Variants in MRO observed in about 807,000 individuals in gnomAD.
MRO encodes maestro.
MRO carries 28 observed loss-of-function variants against 31.0 expected under a neutral mutation model. The observed-to-expected ratio is 0.90, with a 90% CI of 0.67 to 1.24. The LOEUF is 1.24. Ranked by LOEUF, MRO falls within the 50% of genes most tolerant of loss-of-function variation. The pLI is 0.00. For synonymous variants in MRO, 108 were observed against 108.4 expected (o/e 1.00, Z 0.02); for missense variants, 332 against 289.2 (o/e 1.15, Z -1.07).
At chr18:50,802,726 G>T (rs533184311) in intron 5 of MRO, among the ~76,000 whole-genome samples, 8 of 151,592 alleles carry the variant, frequency 5.3e-5, no homozygotes, top group Admixed American at 6.6e-5. Context: ...TTTTGTTTTT[G>T]TTTTTGTTTT....
At chr18:50,801,234 C>G (rs1913280341) in intron 6 of MRO, 115 bp downstream of exon 6, 2 of 858,482 alleles carry the variant, frequency 2.3e-6, no homozygotes, top group Non-Finnish European at 3.5e-6. Context: ...AGAAACGCTG[C>G]TAAGTATCTA....
At chr18:50,822,304 T>TGCGTAC (rs1164924184), upstream of MRO, among the ~76,000 whole-genome samples, 1 of 151,620 alleles carries the variant, frequency 6.6e-6, no homozygotes, top group Non-Finnish European at 1.5e-5. Context: ...ACATGTGTAT[T>TGCGTAC]ACAATGTGTA....
chr18:50,799,703 G>C (rs1020889053), intron 7 of MRO, among the ~76,000 whole-genome samples: 1 of 152,138 alleles, frequency 6.6e-6, no homozygotes, highest in African/African-American at 2.4e-5. Context: ...TTGAGATCAG[G>C]AGTTCAAGAC....
At chr18:50,806,143 C>CA (rs1308156792) in intron 4 of MRO, among the ~76,000 whole-genome samples, 1 of 152,126 alleles carries the variant, frequency 6.6e-6, no homozygotes, top group Non-Finnish European at 1.5e-5. Context: ...CCATGTTGGC[C>CA]AGGCTAGTCT....
At chr18:50,811,340 A>T (rs1451885726) in intron 2 of MRO, among the ~76,000 whole-genome samples, 1 of 152,188 alleles carries the variant, frequency 6.6e-6, no homozygotes, top group African/African-American at 2.4e-5. Flanking sequence ...CCCTGCACCC[A>T]TTAGGCATTC....
intron 2 of MRO, among the ~76,000 whole-genome samples, chr18:50,817,719 G>A (rs1915048427): frequency 6.6e-6 from 1 of 150,724 alleles, no homozygotes; most frequent in Non-Finnish European, 1.5e-5. Context: ...GGAGGGAGCT[G>A]GGGCCGAGGG....
At chr18:50,818,169 A>G (rs1473121934) in intron 2 of MRO, among the ~76,000 whole-genome samples, 1 of 152,158 alleles carries the variant, frequency 6.6e-6, no homozygotes, top group Non-Finnish European at 1.5e-5. Flanking sequence ...ACAGATTCCA[A>G]GATTTCTTAG....
intron 6 of MRO, among the ~76,000 whole-genome samples, chr18:50,800,661 G>C (rs1913206669): frequency 6.6e-6 from 1 of 152,170 alleles, no homozygotes; most frequent in Non-Finnish European, 1.5e-5. Flanking sequence ...GAGGTGGGTG[G>C]ATCACCTGAG....
chr18:50,796,089 A>C lies in MRO; in HGVS notation c.*3248T>G, dbSNP rs1380515714. On this transcript the variant is annotated 3_prime_UTR_variant, in exon 8 of 8. Transcript: ENST00000398439. ...TTCATTCAACTGCTCAATAAGGTTCAAAATTAATGTTCAAAATTAAGAAAT... is the reference window on the plus strand; with the variant it reads ...TTCATTCAACTGCTCAATAAGGTTCCAAATTAATGTTCAAAATTAAGAAAT... 1 of 152,186 alleles carries C rather than the reference A, an allele frequency of 6.6e-6. No homozygotes were observed. Among genetic ancestry groups the C allele is most frequent in the Non-Finnish European group, 1.5e-5 (1 of 68,016 alleles). The allele number at this position is 152,186 out of a possible 1,614,324, so 9.4% of individuals were successfully genotyped here.
rs1017154115 is a variant in MRO, at chr18:50,798,558, C to T, written c.*779G>A. 17 of 152,136 alleles carry T rather than the reference C, an allele frequency of 1.1e-4. No homozygotes were observed. The highest frequency in any genetic ancestry group is 2.2e-4 in the Non-Finnish European group (15 of 68,032). 9.4% of individuals were successfully genotyped at this position (152,136 alleles called of 1,614,324 possible). ...TAATTTCCCTATGTGTTAGCTTTCT[C>T]ATCTATAAAATGAGAACAATAATAA... On this transcript the variant is annotated 3_prime_UTR_variant, in exon 8 of 8. Coordinates refer to ENST00000398439, the MANE Select transcript of MRO (RefSeq NM_031939.6).
chr18:50,806,616 A>C lies in MRO; in HGVS notation c.246+88T>G, dbSNP rs1025730481. ...CGGGGTGATAGATAACTAATACAAC[A>C]GACACCATACTCCAGCCCTGGGAGT... is the stretch of plus-strand genomic sequence containing the variant. On this transcript the variant is annotated intron_variant, in intron 4 of 7. Transcript: ENST00000398439. The C allele has an allele frequency of 2.7e-6, 4 of 1,494,524 alleles. No homozygotes were observed. The Admixed American group carries it at 5.4e-5, about 20-fold the overall frequency. 92.6% of individuals were successfully genotyped at this position (1,494,524 alleles called of 1,614,324 possible).
chr18:50,797,492 C>T lies in MRO; in HGVS notation c.*1845G>A, dbSNP rs560338459. The T allele has an allele frequency of 9.2e-5, 14 of 152,298 alleles. No individual in the cohort carries two copies. The highest frequency in any genetic ancestry group is 3.1e-4 in the African/African-American group (13 of 41,542). 9.4% of individuals were successfully genotyped at this position (152,298 alleles called of 1,614,324 possible). A position where few individuals can be genotyped will look rare whatever the true frequency, so the allele number is the denominator to read the frequency against. On this transcript the variant is annotated 3_prime_UTR_variant, in exon 8 of 8. Coordinates refer to ENST00000398439, the MANE Select transcript of MRO (RefSeq NM_031939.6). ...TCAGGAGGCATGACTCATTGGGGGC[C>T]ACCAAAATAAAAGCCTACCATTGAA...
chr18:50,821,682 T>C (rs1222363406), upstream of MRO, among the ~76,000 whole-genome samples: 1 of 152,246 alleles, frequency 6.6e-6, no homozygotes, highest in East Asian at 1.9e-4. Flanking sequence ...CCCTTGTGTC[T>C]AAAGTTTCTT....
rs1212600683 is a variant in MRO, at chr18:50,799,294, C to T, written c.*43G>A. ...GATAAAACAGGGGAACATGATGGCTCAGCAATGCACTCATACAGAACCATT... is the reference window on the plus strand; with the variant it reads ...GATAAAACAGGGGAACATGATGGCTTAGCAATGCACTCATACAGAACCATT... On this transcript the variant is annotated 3_prime_UTR_variant, in exon 8 of 8. Transcript: ENST00000398439. The T allele has an allele frequency of 3.9e-6, 6 of 1,537,400 alleles. No individual in the cohort carries two copies. The Admixed American group carries it at 5.0e-5, about 13-fold the overall frequency.
chr18:50,819,944 T>G lies in MRO; in HGVS notation c.-174A>C. ...GAGGTGTTTTTCCTTCTCCTTGCTG[T>G]GATTTCCCCTCCTTCTTCCCTCATG... On this transcript the variant is annotated 5_prime_UTR_variant, in exon 1 of 8. Transcript: ENST00000398439. The G allele has an allele frequency of 6.4e-7, 1 of 1,551,710 alleles. No homozygotes were observed. The highest frequency in any genetic ancestry group is 2.4e-5 in the East Asian group (1 of 40,920).
chr18:50,805,232 A>G lies in MRO; in HGVS notation c.351T>C (p.Val117=), dbSNP rs369928701. The G allele has an allele frequency of 1.9e-6, 3 of 1,614,042 alleles. No homozygotes were observed. Among genetic ancestry groups the G allele is most frequent in the Non-Finnish European group, 1.7e-6 (2 of 1,179,998 alleles). The change falls in exon 5 of 8, where the codon GTT becomes GTC. Residue 117 remains valine (V), a synonymous_variant. Transcript: ENST00000398439. ...AACCTTTCCCCTGGATCTTGCCCAG[A>G]ACGACGGTCAGAGTCTTCATACTCT... ...IHESMKTLTV[V]LGKIQGKGLG... is the part of the protein sequence containing the mutation.
intron 5 of MRO, among the ~76,000 whole-genome samples, chr18:50,802,188 T>C (rs1913402863): frequency 6.6e-6 from 1 of 152,224 alleles, no homozygotes; most frequent in Non-Finnish European, 1.5e-5. Context: ...TGTTTATTAC[T>C]CCAGCATTTT....
intron 7 of MRO, among the ~76,000 whole-genome samples, 183 bp from the exon 8 acceptor site, chr18:50,799,573 C>T (rs551244196): frequency 3.3e-5 from 5 of 152,124 alleles, no homozygotes; most frequent in East Asian, 1.9e-4. Flanking sequence ...ATCCTCTAGG[C>T]GTTTTGCCAT....
intron 5 of MRO, among the ~76,000 whole-genome samples, chr18:50,804,022 G>A (rs1220156471): frequency 6.6e-6 from 1 of 151,244 alleles, no homozygotes; most frequent in Non-Finnish European, 1.5e-5. Flanking sequence ...GTAGTTGAGT[G>A]TAGCCCTATA....
Sources: gnomAD v4.1 joint callset for allele counts (sites outside exome capture counted in the v4.1 genomes callset) on GRCh38, gnomAD v4.1.1 for gene constraint, MANE v1.5 for transcripts, NCBI Gene and HGNC (gene_info 2026-07-23, HGNC 2026-07-21) for gene names.